MTHFD1L: variants seen among roughly 807,000 people sequenced by gnomAD.
MTHFD1L encodes the protein monofunctional C1-tetrahydrofolate synthase, mitochondrial.
A neutral mutation model predicts 119.5 loss-of-function variants in MTHFD1L; 81 were observed. The ratio of observed to expected loss-of-function variants is 0.68; its 90% confidence interval spans 0.57 to 0.82. MTHFD1L has a LOEUF of 0.82. Among genes scored for constraint, MTHFD1L ranks in the 40% least tolerant of loss-of-function variants. The probability of loss-of-function intolerance (pLI) is 0.00; values close to 1 mark genes in which losing one functional copy is unlikely to be tolerated. For missense variants in MTHFD1L, 1,125 were observed against 1,253.4 expected (o/e 0.90, Z 1.55); for synonymous variants, 430 against 475.2 (o/e 0.90, Z 1.24).
At chr6:150,991,583 A>C (rs1779074037) in intron 20 of MTHFD1L, among the ~76,000 whole-genome samples, 1 of 152,192 alleles carries the variant, frequency 6.6e-6, no homozygotes, top group East Asian at 1.9e-4. Context: ...AAAGGAAAAA[A>C]TGACTTGAAA....
intron 26 of MTHFD1L, among the ~76,000 whole-genome samples, chr6:151,040,900 C>T (rs1374840327): frequency 6.6e-6 from 1 of 152,160 alleles, no homozygotes; most frequent in African/African-American, 2.4e-5. Flanking sequence ...GCTGTCCGCT[C>T]CTGACGTCAC....
chr6:150,973,005 A>G (rs2129021885), intron 20 of MTHFD1L, among the ~76,000 whole-genome samples: 1 of 152,332 alleles, frequency 6.6e-6, no homozygotes, highest in Admixed American at 6.5e-5. Context: ...GCAAGGAAAC[A>G]AAAGACAAAA....
chr6:150,868,817 C>G (rs994690312), intron 1 of MTHFD1L, among the ~76,000 whole-genome samples: 3 of 152,184 alleles, frequency 2.0e-5, no homozygotes, highest in South Asian at 2.1e-4. Context: ...AATCCCAGCA[C>G]TTTGAGAGGC....
At chr6:151,042,983 T>A (rs1178259351) in intron 26 of MTHFD1L, among the ~76,000 whole-genome samples, 1 of 152,208 alleles carries the variant, frequency 6.6e-6, no homozygotes, top group African/African-American at 2.4e-5. Flanking sequence ...GGGAGCGGGC[T>A]CCATGCCATC....
intron 1 of MTHFD1L, among the ~76,000 whole-genome samples, chr6:150,869,203 G>A (rs1399300607): frequency 1.3e-5 from 2 of 151,968 alleles, no homozygotes; most frequent in Non-Finnish European, 2.9e-5. Flanking sequence ...GAAACGTGCC[G>A]AACGTGCAGG....
At chr6:151,059,581 T>C (rs1347258517) in intron 26 of MTHFD1L, among the ~76,000 whole-genome samples, 1 of 152,206 alleles carries the variant, frequency 6.6e-6, no homozygotes, top group Non-Finnish European at 1.5e-5. Context: ...AGCCATCAGG[T>C]CCTTCCCACA....
intron 26 of MTHFD1L, among the ~76,000 whole-genome samples, chr6:151,068,709 C>A (rs761074193): frequency 6.6e-6 from 1 of 152,150 alleles, no homozygotes; most frequent in African/African-American, 2.4e-5. Context: ...ACTTAAAAAT[C>A]ATTTACTTAC....
chr6:151,015,564 G>A lies in MTHFD1L; in HGVS notation c.2457G>A (p.Arg819=), dbSNP rs769826145. The change falls in exon 24 of 28, where the codon CGG becomes CGA. Residue 819 remains arginine, a synonymous_variant. Coordinates refer to ENST00000367321, the MANE Select transcript of MTHFD1L (RefSeq NM_015440.5). The stretch of plus-strand genomic sequence containing the variant: ...ACTTGGTGTGTGAGCTTGCAAAGCG[G>A]GCTGGTGCCTTTGATGCAGTCCCCT... ...EIDLVCELAK[R]AGAFDAVPCY... is the part of the protein sequence containing the mutation. 3 of 1,614,166 alleles carry A rather than the reference G, an allele frequency of 1.9e-6. No homozygotes were observed. The highest frequency in any genetic ancestry group is 1.7e-5 in the Admixed American group (1 of 60,028).
At chr6:151,031,721 C>G (rs116408444) in intron 24 of MTHFD1L, among the ~76,000 whole-genome samples, 617 of 152,202 alleles carry the variant, frequency 4.1e-3, no homozygotes, top group African/African-American at 0.014. Context: ...ATATCATTTC[C>G]TTTATGGGTT....
intron 25 of MTHFD1L, among the ~76,000 whole-genome samples, chr6:151,036,761 C>T (rs141644176): frequency 2.2e-4 from 33 of 152,304 alleles, no homozygotes; most frequent in African/African-American, 7.7e-4. Context: ...TCACCCTTGA[C>T]CTGCTAAACA....
At chr6:150,940,124 T>A (rs1792844690) in intron 13 of MTHFD1L, among the ~76,000 whole-genome samples, 1 of 152,156 alleles carries the variant, frequency 6.6e-6, no homozygotes, top group South Asian at 2.1e-4. Context: ...TCCCTCTGTG[T>A]TTACGGCTAT....
rs558210722 is a variant in MTHFD1L at position 151,013,146 on chromosome 6, G to A, written c.2266-633G>A. On this transcript the variant is annotated intron_variant, in intron 21 of 27. Coordinates refer to ENST00000367321, the MANE Select transcript of MTHFD1L (RefSeq NM_015440.5). Reference sequence around the variant, plus strand: ...TGTAATGCCAGCACTTTGAGAGGCCGAGGTGGGAGGACTGCTTGAGCCCAA... The same window carrying A: ...TGTAATGCCAGCACTTTGAGAGGCCAAGGTGGGAGGACTGCTTGAGCCCAA... Among the ~76,000 whole-genome samples, 9 of 152,306 alleles carry A rather than the reference G, an allele frequency of 5.9e-5. No homozygotes were observed. In the South Asian group the frequency reaches 1.2e-3, roughly 21 times the overall value.
At chr6:150,902,386 C>A (rs1442975276) in intron 7 of MTHFD1L, among the ~76,000 whole-genome samples, 1 of 152,152 alleles carries the variant, frequency 6.6e-6, no homozygotes. Context: ...TTAAGCTGCT[C>A]CACTCAAGTC....
intron 21 of MTHFD1L, 30 bp from the exon 22 acceptor site, chr6:151,013,749 T>G (rs1782620793): frequency 1.9e-6 from 3 of 1,591,658 alleles, no homozygotes; most frequent in Non-Finnish European, 2.6e-6. Context: ...TTTATAGGAT[T>G]ATTCTTCATG....
At position 150,876,144 on chromosome 6, in the gene MTHFD1L, T is replaced by G. The variant is rs775919059; in HGVS notation, c.282T>G (p.Pro94=). Residue 94 remains proline, a synonymous_variant, in exon 2 of 28, where the codon CCT becomes CCG. Transcript: ENST00000367321. The part of the protein sequence containing the change: ...EVLSLLQEKN[P]AFKPVLAIIQ... ...TAAGTTTATTGCAAGAAAAAAACCC[T>G]GCCTTCAAGCCGGTTCTTGCAATTA... 6.2e-7 allele frequency: 1 copy of G among 1,604,688 alleles called. No homozygotes were observed. The highest frequency in any genetic ancestry group is 8.5e-7 in the Non-Finnish European group (1 of 1,175,562).
At chr6:150,991,013 T>G (rs1418935750) in intron 20 of MTHFD1L, among the ~76,000 whole-genome samples, 1 of 152,098 alleles carries the variant, frequency 6.6e-6, no homozygotes, top group Non-Finnish European at 1.5e-5. Context: ...CATGCCACCA[T>G]GCCTGGCTAA....
At chr6:151,032,434 A>G (rs756948195) in intron 24 of MTHFD1L, among the ~76,000 whole-genome samples, 5 of 152,148 alleles carry the variant, frequency 3.3e-5, no homozygotes, top group Non-Finnish European at 5.9e-5. Context: ...GAACTCACTC[A>G]TTATCGTGAG....
chr6:150,996,931 C>G (rs1463911883), intron 20 of MTHFD1L, among the ~76,000 whole-genome samples: 1 of 152,174 alleles, frequency 6.6e-6, no homozygotes, highest in Non-Finnish European at 1.5e-5. Context: ...GTGGAGAAAG[C>G]TGGGAAAAGA....
Position 151,020,284 on chromosome 6 carries a change from C to G in MTHFD1L, c.2586+4591C>G, listed in dbSNP as rs114224562. On this transcript the variant is annotated intron_variant, in intron 24 of 27. Coordinates refer to ENST00000367321, the MANE Select transcript of MTHFD1L (RefSeq NM_015440.5). Reference sequence around the variant, plus strand: ...TTTGAATGTGAAGTAGAAATTGTCTCGGAACCCCACTGGAGAGTGATTCAG... The same window carrying G: ...TTTGAATGTGAAGTAGAAATTGTCTGGGAACCCCACTGGAGAGTGATTCAG... 1.3e-3 allele frequency among the ~76,000 whole-genome samples: 196 copies of G among 152,294 alleles called. 1 individual carries two copies. Among genetic ancestry groups the G allele is most frequent in the African/African-American group, 4.4e-3 (185 of 41,574 alleles).
Sources: allele counts gnomAD v4.1 joint callset (sites outside exome capture counted in the v4.1 genomes callset), GRCh38; gene constraint gnomAD v4.1.1; transcripts MANE v1.5; gene names NCBI Gene and HGNC (gene_info 2026-07-23, HGNC 2026-07-21).